The following TPM2 variants were observed in gnomAD, a reference collection of about 807,000 sequenced individuals.
The protein encoded by TPM2 is tropomyosin 2.
In TPM2, 26 loss-of-function variants were observed where a neutral mutation model predicts 41.0. That is an observed-to-expected ratio of 0.63 (90% CI 0.46 to 0.88). The LOEUF is 0.88. Among genes scored for constraint, TPM2 ranks in the 40% least tolerant of loss-of-function variants. The probability of loss-of-function intolerance (pLI) is 0.00; values close to 1 mark genes in which losing one functional copy is unlikely to be tolerated. For missense variants in TPM2, 187 were observed against 355.2 expected, an observed-to-expected ratio of 0.53 and a Z score of 3.81; for synonymous variants, 143 against 139.3, an observed-to-expected ratio of 1.03 and a Z score of -0.19.
At chr9:35,687,544 A>G (rs1824991170) in intron 2 of TPM2, among the ~76,000 whole-genome samples, 2 of 152,102 alleles carry the variant, frequency 1.3e-5, no homozygotes, top group Admixed American at 1.3e-4. Flanking sequence ...CAGGAGAAAC[A>G]GCACCATATA....
chr9:35,686,926 A>G (rs936513079), intron 2 of TPM2, among the ~76,000 whole-genome samples: 1 of 152,234 alleles, frequency 6.6e-6, no homozygotes, highest in Non-Finnish European at 1.5e-5. Context: ...GGCGAGCGCC[A>G]GTAAAGGAAA....
intron 2 of TPM2, among the ~76,000 whole-genome samples, chr9:35,688,251 G>A (rs1045334796): frequency 6.6e-6 from 1 of 152,180 alleles, no homozygotes; most frequent in African/African-American, 2.4e-5. Context: ...AACCCCTGGG[G>A]GGCTGGGAAC....
chr9:35,686,329 CAGTT>C (rs1824908071), intron 2 of TPM2: 1 of 179,738 alleles, frequency 5.6e-6, no homozygotes, highest in Non-Finnish European at 1.2e-5. Flanking sequence ...GCACTGTGCA[CAGTT>C]AGTCTCCCAA....
chr9:35,682,273 C>T, downstream of TPM2: 1 of 1,192,778 alleles, frequency 8.4e-7, no homozygotes, highest in South Asian at 1.3e-5. Context: ...AAGGAAGACA[C>T]ATGCATTCAC....
rs73436792 is a variant in TPM2, at chr9:35,683,866, G to A, written c.772+380C>T. ...ACTAGAACTCTACTGCGTTACACTC[G>A]GGGACGGAATTGTCTATAAGGGTGC... On this transcript the variant is annotated intron_variant, in intron 8 of 8. Coordinates refer to ENST00000645482, the MANE Select transcript of TPM2 (RefSeq NM_003289.4). Among the ~76,000 whole-genome samples the A allele has an allele frequency of 9.9e-3, 1,509 of 152,310 alleles. 13 individuals carry two copies. Among genetic ancestry groups the A allele is most frequent in the African/African-American group, 0.035 (1,446 of 41,550 alleles).
At chr9:35,688,739 C>T (rs2131862116) in intron 2 of TPM2, among the ~76,000 whole-genome samples, 1 of 152,268 alleles carries the variant, frequency 6.6e-6, no homozygotes, top group African/African-American at 2.4e-5. Flanking sequence ...GGATCCCTCT[C>T]CCTCCTCCTG....
chr9:35,684,405 C>T (rs1205105775), intron 7 of TPM2, 83 bp downstream of exon 7: 2 of 1,611,188 alleles, frequency 1.2e-6, no homozygotes. Context: ...CCATCCCAAC[C>T]CTCAAGTGTC....
chr9:35,685,931 T>A lies in TPM2; in HGVS notation c.241-151A>T, dbSNP rs1824880326. On this transcript the variant is annotated intron_variant, in intron 2 of 8. Coordinates refer to ENST00000645482, the MANE Select transcript of TPM2 (RefSeq NM_003289.4). This position sits in a 1 kb window ranked among gnomAD's most constrained non-coding sequence, Gnocchi z 5.0. ...GTGATTTTTCCCCAACCAATCATCT[T>A]CTGCCCAGACTGTGCTCCAGTAAAA... 7.3e-7 allele frequency: 1 copy of A among 1,362,026 alleles called. No homozygotes were observed. Among genetic ancestry groups the A allele is most frequent in the Admixed American group, 2.0e-5 (1 of 49,810 alleles). 84.4% of individuals were successfully genotyped at this position (1,362,026 alleles called of 1,614,324 possible). A position where few individuals can be genotyped will look rare whatever the true frequency, so the allele number is the denominator to read the frequency against.
chr9:35,687,326 G>C (rs574168090), intron 2 of TPM2, among the ~76,000 whole-genome samples: 1 of 152,216 alleles, frequency 6.6e-6, no homozygotes, highest in East Asian at 1.9e-4. Flanking sequence ...ATAACATGCA[G>C]AAAGCACTGA....
At chr9:35,688,642 C>T (rs1480194221) in intron 2 of TPM2, among the ~76,000 whole-genome samples, 1 of 152,150 alleles carries the variant, frequency 6.6e-6, no homozygotes, top group Non-Finnish European at 1.5e-5. Flanking sequence ...GGCCCCAGGG[C>T]ACAGCAGGGC....
chr9:35,683,024 G>A lies in TPM2; in HGVS notation c.*135C>T. On this transcript the variant is annotated 3_prime_UTR_variant, in exon 9 of 9. Transcript: ENST00000645482. ...CAGAGTGGGTGGTGGGCATGATGGG[G>A]GCTCTCCCTAGGCTGCTCCCAGCCT... 1.3e-6 allele frequency: 2 copies of A among 1,546,206 alleles called. No homozygotes were observed. Among genetic ancestry groups the A allele is most frequent in the Admixed American group, 2.0e-5 (1 of 50,862 alleles).
rs376028030 is a variant in TPM2, at chr9:35,685,664, C to A, written c.357G>T (p.Ala119=). ...ALQKLEEAEK[A]ADESERGMKV... ...CTGACCACCTCTCGCTCTCATCAGC[C>A]GCCTTCTCGGCCTCCTCCAGCTTCT... Residue 119 remains alanine (A), a synonymous_variant, in exon 3 of 9, where the codon GCG becomes GCT. Transcript: ENST00000645482. The surrounding 1 kb of genome is among the most constrained non-coding windows in gnomAD (Gnocchi z 5.0). 1 of 1,614,094 alleles carries A rather than the reference C, an allele frequency of 6.2e-7. No homozygotes were observed. Among genetic ancestry groups the A allele is most frequent in the Non-Finnish European group, 8.5e-7 (1 of 1,180,018 alleles).
downstream of TPM2, chr9:35,682,068 G>A: frequency 6.2e-7 from 1 of 1,614,090 alleles, no homozygotes; most frequent in South Asian, 1.1e-5. Flanking sequence ...CTGGCTGGGG[G>A]TGGGGCTGGC....
In TPM2 at chr9:35,686,670, T is replaced by C. The variant is rs150439368; in HGVS notation, c.241-890A>G. On this transcript the variant is annotated intron_variant, in intron 2 of 8. Transcript: ENST00000645482. The stretch of plus-strand genomic sequence containing the variant: ...AAAAAAAAAAAAGTATCAAGTTCAG[T>C]GATGTCATCTGTCATCAGCTGTAAG... Among the ~76,000 whole-genome samples the C allele has an allele frequency of 2.9e-4, 42 of 146,196 alleles. No homozygotes were observed. In the East Asian group the frequency reaches 8.4e-3, roughly 29 times the overall value.
intron 8 of TPM2, among the ~76,000 whole-genome samples, 191 bp from the exon 9 acceptor site, chr9:35,683,432 T>C (rs1367578026): frequency 6.6e-6 from 1 of 152,194 alleles, no homozygotes; most frequent in African/African-American, 2.4e-5. Context: ...CTACCCCATC[T>C]CTTTTCTGTC....
downstream of TPM2, chr9:35,682,593 G>C: frequency 2.4e-6 from 3 of 1,255,868 alleles, no homozygotes; most frequent in South Asian, 4.2e-5. Context: ...CAGACCTTTT[G>C]CAACCTTCTT....
chr9:35,682,349 C>T (rs1824613127), downstream of TPM2: 20 of 943,574 alleles, frequency 2.1e-5, no homozygotes, highest in Admixed American at 4.2e-5. Context: ...ACAGGACGGA[C>T]GTGGATGCCT....
chr9:35,689,614 C>T (rs531811717), intron 1 of TPM2, 90 bp downstream of exon 1: 5 of 1,593,532 alleles, frequency 3.1e-6, no homozygotes, highest in Non-Finnish European at 4.3e-6. Context: ...AGAGCCTTGG[C>T]GGGCAGGCCC....
At chr9:35,683,834 T>C (rs1824715278) in intron 8 of TPM2, among the ~76,000 whole-genome samples, 1 of 152,202 alleles carries the variant, frequency 6.6e-6, no homozygotes, top group African/African-American at 2.4e-5. Context: ...AATAAGCCAG[T>C]CTCTGCACTA....
Sources: gnomAD v4.1 joint callset for allele counts (sites outside exome capture counted in the v4.1 genomes callset) on GRCh38, gnomAD v4.1.1 for gene constraint, Gnocchi (gnomAD v3.1) non-coding constraint, MANE v1.5 for transcripts, NCBI Gene and HGNC (gene_info 2026-07-23, HGNC 2026-07-21) for gene names.